Variants in ANO10 observed in about 807,000 individuals in gnomAD.
ANO10 encodes anoctamin 10, also known as anoctamin-10.
ANO10 carries 77 observed loss-of-function variants against 74.7 expected under a neutral mutation model. That is an observed-to-expected ratio of 1.03 (90% CI 0.86 to 1.25). ANO10 has a LOEUF of 1.25. Ranked by LOEUF, ANO10 falls within the 50% of genes most tolerant of loss-of-function variation. ANO10 has a pLI of 0.00. For missense variants in ANO10, 721 were observed against 778.1 expected (o/e 0.93, Z 0.87); for synonymous variants, 279 against 284.9 (o/e 0.98, Z 0.21).
upstream of ANO10, among the ~76,000 whole-genome samples, chr3:43,624,817 G>A (rs182695756): frequency 8.3e-3 from 1,267 of 152,294 alleles, 24 homozygotes; most frequent in Non-Finnish European, 9.5e-3. Flanking sequence ...ATTTCATCAC[G>A]ATACTCAGAA....
At chr3:43,620,749 A>G (rs1237515663) in intron 1 of ANO10, among the ~76,000 whole-genome samples, 1 of 152,244 alleles carries the variant, frequency 6.6e-6, no homozygotes, top group Non-Finnish European at 1.5e-5. Flanking sequence ...TGAGCGACAG[A>G]GCAAGACTCC....
intron 11 of ANO10, among the ~76,000 whole-genome samples, chr3:43,528,115 TA>T (rs886367949): frequency 3.3e-5 from 5 of 150,110 alleles, no homozygotes; most frequent in African/African-American, 4.9e-5. Flanking sequence ...GCTCTCAAAC[TA>T]AAAAAACTCA....
At chr3:43,536,233 ATATT>A (rs1158102285) in intron 11 of ANO10, among the ~76,000 whole-genome samples, 2 of 152,212 alleles carry the variant, frequency 1.3e-5, no homozygotes, top group South Asian at 2.1e-4. Context: ...TACAAACTTT[ATATT>A]TATTAATGAT....
intron 12 of ANO10, among the ~76,000 whole-genome samples, chr3:43,377,340 C>G (rs2091837098): frequency 6.6e-6 from 1 of 152,150 alleles, no homozygotes; most frequent in African/African-American, 2.4e-5. Context: ...CCTGCCTCGG[C>G]CTTCCAAAGC....
chr3:43,394,946 T>C (rs888638744), intron 12 of ANO10, among the ~76,000 whole-genome samples: 9 of 152,162 alleles, frequency 5.9e-5, no homozygotes, highest in Admixed American at 1.3e-4. Context: ...TCCACTCTTA[T>C]GTGGCTTTTC....
intron 11 of ANO10, among the ~76,000 whole-genome samples, chr3:43,541,981 G>A (rs542141637): frequency 6.6e-5 from 10 of 152,280 alleles, no homozygotes; most frequent in East Asian, 5.8e-4. Context: ...GGGCCACAGC[G>A]GAAGAGAAAT....
intron 11 of ANO10, chr3:43,485,567 T>G (rs2076445921): frequency 8.8e-6 from 2 of 227,352 alleles, no homozygotes; most frequent in Non-Finnish European, 1.7e-5. Flanking sequence ...AGACAAGGCT[T>G]GCCACCATCT....
At chr3:43,379,626 C>A (rs1024524568) in intron 12 of ANO10, among the ~76,000 whole-genome samples, 5 of 152,124 alleles carry the variant, frequency 3.3e-5, no homozygotes, top group African/African-American at 1.2e-4. Flanking sequence ...AAGTTCTCAG[C>A]CCTGGAAATA....
At chr3:43,602,486 C>T (rs1274066771) in intron 2 of ANO10, among the ~76,000 whole-genome samples, 1 of 152,184 alleles carries the variant, frequency 6.6e-6, no homozygotes, top group Non-Finnish European at 1.5e-5. Flanking sequence ...CAGGCACACA[C>T]AACCACATCC....
chr3:43,436,010 A>T (rs1475703355), intron 11 of ANO10, among the ~76,000 whole-genome samples: 1 of 152,212 alleles, frequency 6.6e-6, no homozygotes, highest in Non-Finnish European at 1.5e-5. Context: ...AGGATATATT[A>T]GACCTTCCCC....
chr3:43,463,294 G>A (rs2075467007), intron 11 of ANO10, among the ~76,000 whole-genome samples: 1 of 152,242 alleles, frequency 6.6e-6, no homozygotes. Flanking sequence ...CAGGAGCAGA[G>A]CTGCTCTTGC....
intron 4 of ANO10, among the ~76,000 whole-genome samples, chr3:43,582,173 T>C (rs1221206249): frequency 6.6e-6 from 1 of 152,158 alleles, no homozygotes; most frequent in East Asian, 1.9e-4. Context: ...AGTTTTTGGC[T>C]GGGCGCGGTG....
intron 10 of ANO10, among the ~76,000 whole-genome samples, chr3:43,550,959 C>T (rs367820349): frequency 6.6e-6 from 1 of 152,104 alleles, no homozygotes; most frequent in East Asian, 1.9e-4. Flanking sequence ...TTTCCTACTC[C>T]CTTTTCAGCA....
At chr3:43,500,737 C>T (rs1013920143) in intron 11 of ANO10, among the ~76,000 whole-genome samples, 6 of 152,184 alleles carry the variant, frequency 3.9e-5, no homozygotes, top group Admixed American at 6.5e-5. Context: ...CTTTAGTGCA[C>T]AAACACAACC....
chr3:43,556,482 G>A (rs889192051), intron 9 of ANO10, among the ~76,000 whole-genome samples: 1 of 152,110 alleles, frequency 6.6e-6, no homozygotes, highest in Admixed American at 6.6e-5. Context: ...TCCATCTCTC[G>A]GGGTGATTCT....
At chr3:43,656,654 G>A (rs1488862531) in intron 1 of ANO10, among the ~76,000 whole-genome samples, 13 of 152,222 alleles carry the variant, frequency 8.5e-5, no homozygotes, top group African/African-American at 2.9e-4. Flanking sequence ...TACACCCTCC[G>A]CAGCCGCTGG....
chr3:43,541,745 G>C (rs1260886849), intron 11 of ANO10, among the ~76,000 whole-genome samples: 3 of 152,158 alleles, frequency 2.0e-5, no homozygotes, highest in Non-Finnish European at 4.4e-5. Flanking sequence ...AGTTACTGAG[G>C]CTTCATCATA....
rs2076606242 is a variant in ANO10, at chr3:43,488,872, T to C, written c.1798-56145A>G. ...GCTCCTATAAAGACACATGCACACA[T>C]ATGTTTATTGTGGCATTATTCACAA... On this transcript the variant is annotated intron_variant, in intron 11 of 12. Transcript: ENST00000292246. 2.0e-5 allele frequency among the ~76,000 whole-genome samples: 3 copies of C among 152,102 alleles called. No homozygotes were observed. In the South Asian group the frequency reaches 6.2e-4, roughly 32 times the overall value.
chr3:43,458,512 ATATTTC>A (rs2075238802), intron 11 of ANO10, among the ~76,000 whole-genome samples: 1 of 152,190 alleles, frequency 6.6e-6, no homozygotes, highest in Non-Finnish European at 1.5e-5. Context: ...TATTCTGAAA[ATATTTC>A]TACATAGGAA....
Sources: allele counts gnomAD v4.1 joint callset (sites outside exome capture counted in the v4.1 genomes callset), GRCh38; gene constraint gnomAD v4.1.1; transcripts MANE v1.5; gene names NCBI Gene and HGNC (gene_info 2026-07-23, HGNC 2026-07-21).